Variants in RALYL observed in about 807,000 individuals in gnomAD.
RALYL encodes the protein RALY RNA binding protein like.
In RALYL, 29 loss-of-function variants were observed where a neutral mutation model predicts 35.1. That is an observed-to-expected ratio of 0.83 (90% confidence interval 0.61 to 1.13). The LOEUF is 1.13. Ranked by LOEUF, RALYL falls within the 50% of genes most tolerant of loss-of-function variation. RALYL has a pLI of 0.00. For missense variants in RALYL, 359 were observed against 360.4 expected, an observed-to-expected ratio of 1.00 and a Z score of 0.03; for synonymous variants, 120 against 127.6, an observed-to-expected ratio of 0.94 and a Z score of 0.40.
intron 1 of RALYL, among the ~76,000 whole-genome samples, chr8:84,358,773 G>A (rs1852365366): frequency 6.6e-6 from 1 of 151,952 alleles, no homozygotes. Context: ...AGAATGAAGA[G>A]GTTGTTGATT....
At chr8:84,721,966 G>A (rs541216002) in intron 2 of RALYL, among the ~76,000 whole-genome samples, 2 of 152,170 alleles carry the variant, frequency 1.3e-5, no homozygotes, top group Admixed American at 6.6e-5. Context: ...CATTTCCGAA[G>A]CATTTAAAGT....
At chr8:84,558,369 G>GT (rs2061267383) in intron 2 of RALYL, among the ~76,000 whole-genome samples, 1 of 152,034 alleles carries the variant, frequency 6.6e-6, no homozygotes, top group Admixed American at 6.6e-5. Flanking sequence ...TGTTTCTTGT[G>GT]TTTTGTAGTA....
chr8:84,292,495 G>A (rs1838951618), intron 1 of RALYL, among the ~76,000 whole-genome samples: 1 of 152,092 alleles, frequency 6.6e-6, no homozygotes, highest in African/African-American at 2.4e-5. Flanking sequence ...GAAACCTACT[G>A]GGCTGCATTC....
At chr8:84,629,646 T>TG (rs1491159010) in intron 2 of RALYL, among the ~76,000 whole-genome samples, 1 of 152,000 alleles carries the variant, frequency 6.6e-6, no homozygotes, top group Non-Finnish European at 1.5e-5. Context: ...CAGAACAGTC[T>TG]GTGTAATATG....
intron 1 of RALYL, among the ~76,000 whole-genome samples, chr8:84,456,285 G>A (rs1211109589): frequency 6.6e-6 from 1 of 151,914 alleles, no homozygotes; most frequent in Non-Finnish European, 1.5e-5. Context: ...CCTTTTCTAA[G>A]CACTGCACAT....
rs931199925 is a variant in RALYL at position 84,813,080 on chromosome 8, G to C, written c.365+8278G>C. On this transcript the variant is annotated intron_variant, in intron 4 of 8. Transcript: ENST00000521268. ...CTGCTTGAAGACCCAGCGAGCTCCC[G>C]GGGCTTTTCCCACTGCTTCCTCTAT... Among the ~76,000 whole-genome samples the C allele has an allele frequency of 5.3e-5, 8 of 152,110 alleles. 1 individual carries two copies. Among genetic ancestry groups the C allele is most frequent in the Admixed American group, 5.2e-4 (8 of 15,274 alleles).
intron 7 of RALYL, among the ~76,000 whole-genome samples, chr8:84,878,556 AAAG>A (rs1841613914): frequency 6.6e-6 from 1 of 152,092 alleles, no homozygotes; most frequent in African/African-American, 2.4e-5. Flanking sequence ...GCCAAAAAAA[AAAG>A]AAGTCAGAGG....
intron 2 of RALYL, among the ~76,000 whole-genome samples, chr8:84,589,115 C>G (rs1002170793): frequency 2.6e-5 from 4 of 152,180 alleles, no homozygotes; most frequent in Non-Finnish European, 4.4e-5. Flanking sequence ...TCAGGCTGGT[C>G]TCAAACTCCC....
At chr8:84,715,334 T>A (rs964392427) in intron 2 of RALYL, among the ~76,000 whole-genome samples, 1 of 151,914 alleles carries the variant, frequency 6.6e-6, no homozygotes, top group Non-Finnish European at 1.5e-5. Flanking sequence ...TACTTCATTT[T>A]TATTATAATT....
chr8:84,444,048 G>T (rs563772913), intron 1 of RALYL, among the ~76,000 whole-genome samples: 40 of 152,196 alleles, frequency 2.6e-4, no homozygotes, highest in African/African-American at 8.9e-4. Flanking sequence ...CACAAAACAG[G>T]CTGGGTTCAG....
chr8:84,462,378 T>G, intron 1 of RALYL, among the ~76,000 whole-genome samples: 1 of 151,670 alleles, frequency 6.6e-6, no homozygotes, highest in South Asian at 2.1e-4. Context: ...TTTTCGTTTC[T>G]TCCTAATCTG....
chr8:84,579,699 A>T (rs1012002821), intron 2 of RALYL, among the ~76,000 whole-genome samples: 4 of 152,234 alleles, frequency 2.6e-5, no homozygotes, highest in Non-Finnish European at 5.9e-5. Context: ...TCATTGGATA[A>T]ACTAATATCT....
chr8:84,602,002 C>T (rs142103127), intron 2 of RALYL, among the ~76,000 whole-genome samples: 2 of 152,172 alleles, frequency 1.3e-5, no homozygotes, highest in African/African-American at 4.8e-5. Context: ...CCCAAAGTTC[C>T]CTTCTTGTCT....
chr8:84,281,238 G>A (rs1563661852), intron 1 of RALYL, among the ~76,000 whole-genome samples: 1 of 152,090 alleles, frequency 6.6e-6, no homozygotes, highest in South Asian at 2.1e-4. Flanking sequence ...ATCTCTGGAT[G>A]CCTAAATATC....
At chr8:84,851,307 C>T (rs1465601639) in intron 5 of RALYL, among the ~76,000 whole-genome samples, 1 of 152,074 alleles carries the variant, frequency 6.6e-6, no homozygotes, top group African/African-American at 2.4e-5. Context: ...ATTATTTATG[C>T]ATTTATTTGT....
At chr8:84,513,991 A>G (rs2057837054) in intron 1 of RALYL, among the ~76,000 whole-genome samples, 1 of 145,996 alleles carries the variant, frequency 6.8e-6, no homozygotes, top group South Asian at 2.4e-4. Flanking sequence ...GCTCCTTGGG[A>G]GGCTGAGGCA....
In RALYL at chr8:84,258,030, C is replaced by T. The variant is rs190929346; in HGVS notation, c.-24+73606C>T. Among the ~76,000 whole-genome samples the T allele has an allele frequency of 5.8e-3, 888 of 152,164 alleles. 8 individuals are homozygous for T. Among genetic ancestry groups the T allele is most frequent in the Non-Finnish European group, 6.4e-3 (432 of 67,998 alleles). The stretch of plus-strand genomic sequence containing the variant: ...TTAGAGTTCTTGTTGGGTATCTACA[C>T]GAAAATTCTAGAAGATATCTAGACA... On this transcript the variant is annotated intron_variant, in intron 1 of 8. Coordinates refer to ENST00000521268, the MANE Select transcript of RALYL (RefSeq NM_173848.7).
At chr8:84,194,160 C>G (rs1369137383) in intron 1 of RALYL, among the ~76,000 whole-genome samples, 3 of 152,126 alleles carry the variant, frequency 2.0e-5, no homozygotes, top group East Asian at 3.9e-4. Context: ...GAAAGGAAGA[C>G]ACTGCTGATT....
intron 1 of RALYL, among the ~76,000 whole-genome samples, chr8:84,321,859 A>G (rs1295664648): frequency 1.3e-5 from 2 of 152,158 alleles, no homozygotes; most frequent in Non-Finnish European, 2.9e-5. Flanking sequence ...TGGTCAAAAG[A>G]AAGCTGAAGT....
Sources: allele counts gnomAD v4.1 joint callset (sites outside exome capture counted in the v4.1 genomes callset), GRCh38; gene constraint gnomAD v4.1.1; transcripts MANE v1.5; gene names NCBI Gene and HGNC (gene_info 2026-07-23, HGNC 2026-07-21).